The following CKAP2L variants were observed in gnomAD, a reference collection of about 807,000 sequenced individuals.
CKAP2L encodes the protein cytoskeleton associated protein 2L.
CKAP2L carries 42 observed loss-of-function variants against 65.7 expected under a neutral mutation model. That is an observed-to-expected ratio of 0.64 (90% CI 0.50 to 0.83). The LOEUF is 0.83. Among genes scored for constraint, CKAP2L ranks in the 40% least tolerant of loss-of-function variants. CKAP2L has a pLI of 0.00. For synonymous variants in CKAP2L, 325 were observed against 313.5 expected, an observed-to-expected ratio of 1.04 and a Z score of -0.39; for missense variants, 908 against 871.0, an observed-to-expected ratio of 1.04 and a Z score of -0.53.
rs1680756101 is a variant in CKAP2L at position 112,762,525 on chromosome 2, T to C, written c.82A>G (p.Lys28Glu). ...KLQEYLAAKG[K>E]LKSQNTKPYL... The stretch of plus-strand genomic sequence containing the variant: ...CACTTGGTGTTTTGGCTCTTCAGTT[T>C]TCCCTTGGCTGCAAGGTACTCCTGA... The change falls in exon 2 of 9, where the codon AAA becomes GAA. Residue 28 changes from lysine to glutamate, a missense_variant. Lys to Glu is a moderately conservative substitution (Grantham distance 56). Transcript: ENST00000302450. 6.2e-7 allele frequency: 1 copy of C among 1,614,000 alleles called. No homozygotes were observed. The highest frequency in any genetic ancestry group is 1.3e-5 in the African/African-American group (1 of 74,936).
intron 4 of CKAP2L, among the ~76,000 whole-genome samples, chr2:112,755,298 G>A (rs965165994): frequency 5.3e-5 from 8 of 152,030 alleles, no homozygotes; most frequent in African/African-American, 1.4e-4. Flanking sequence ...TGATTTCCAC[G>A]CCTGGCTAAT....
chr2:112,753,002 T>C (rs1323856090), intron 4 of CKAP2L, among the ~76,000 whole-genome samples: 1 of 152,206 alleles, frequency 6.6e-6, no homozygotes, highest in Admixed American at 6.5e-5. Flanking sequence ...CTTAAGTAGC[T>C]GATCTCTGAT....
chr2:112,742,069 C>T (rs1056886421), intron 7 of CKAP2L, among the ~76,000 whole-genome samples: 1 of 150,784 alleles, frequency 6.6e-6, no homozygotes, highest in Non-Finnish European at 1.5e-5. Flanking sequence ...GGATTACAGG[C>T]GTGAGCTACC....
rs367945388 is a variant in CKAP2L, at chr2:112,756,661, A to G, written c.710T>C (p.Leu237Pro). The change falls in exon 4 of 9, where the codon CTG (leucine) becomes CCG (proline). Residue 237 changes from leucine to proline, a missense_variant. Coordinates refer to ENST00000302450, the MANE Select transcript of CKAP2L (RefSeq NM_152515.5). ...LGKSSVNSAV[L>P]KDRVNKQFVG... ...AAATTGTTTATTAACCCTATCTTTC[A>G]GAACAGCACTATTAACTGAACTTTT... is the stretch of plus-strand genomic sequence containing the variant. 4.4e-6 allele frequency: 7 copies of G among 1,602,670 alleles called. No individual in the cohort carries two copies. In the African/African-American group the frequency reaches 9.4e-5, roughly 22 times the overall value.
Position 112,738,278 on chromosome 2 carries a change from A to G in CKAP2L, c.*545T>C, listed in dbSNP as rs1426564301. The stretch of plus-strand genomic sequence containing the variant: ...AAAACAAGAATTCTCTCTCATTTAC[A>G]AGGATACTGTGATGAAAGTCAAAGA... On this transcript the variant is annotated 3_prime_UTR_variant, in exon 9 of 9. Coordinates refer to ENST00000302450, the MANE Select transcript of CKAP2L (RefSeq NM_152515.5). 1.3e-5 allele frequency: 2 copies of G among 152,658 alleles called. No individual in the cohort carries two copies. Among genetic ancestry groups the G allele is most frequent in the African/African-American group, 4.8e-5 (2 of 41,466 alleles). The allele number at this position is 152,658 out of a possible 1,614,324, so 9.5% of individuals were successfully genotyped here.
rs539091916 is a variant in CKAP2L at position 112,760,054 on chromosome 2, T to C, written c.156+659A>G. On this transcript the variant is annotated intron_variant, in intron 3 of 8. Transcript: ENST00000302450. Reference sequence around the variant, plus strand: ...CATTTCAGAACACAGATAAAAACTATGTTTTAAAAAACTAAAGGTGAGATT... The same window carrying C: ...CATTTCAGAACACAGATAAAAACTACGTTTTAAAAAACTAAAGGTGAGATT... 4.6e-5 allele frequency among the ~76,000 whole-genome samples: 7 copies of C among 152,330 alleles called. No homozygotes were observed. The South Asian group carries it at 1.2e-3, about 27-fold the overall frequency.
chr2:112,757,222 A>T lies in CKAP2L; in HGVS notation c.157-8T>A. ...ATTTTTGGGTCTAATAGTCTGAAAA[A>T]ACAAAGAAAATACATATTAAAAAAT... On this transcript the variant is annotated splice_region_variant and splice_polypyrimidine_tract_variant and intron_variant, in intron 3 of 8. Transcript: ENST00000302450. The T allele has an allele frequency of 6.4e-7, 1 of 1,555,274 alleles. No individual in the cohort carries two copies.
intron 7 of CKAP2L, among the ~76,000 whole-genome samples, chr2:112,741,328 C>CT (rs1679947574): frequency 6.6e-6 from 1 of 152,130 alleles, no homozygotes; most frequent in Admixed American, 6.5e-5. Context: ...AGGGACTAAT[C>CT]ACTGGCCTTC....
Position 112,740,989 on chromosome 2 carries a change from A to G in CKAP2L, c.1841T>C (p.Leu614Ser), listed in dbSNP as rs3811040. The change falls in exon 8 of 9, where the codon TTA becomes TCA. Residue 614 changes from leucine to serine, a missense_variant. Leu to Ser is a moderately radical substitution (Grantham distance 145). Transcript: ENST00000302450. ...TGATGTTATACTAGTTTCAGCAACT[A>G]AAGAGTCAGAAGTAATCCCTGTGTA... ...RTTEGITSDS[L>S]VAETSITSVE... 793,186 of 1,609,252 alleles carry G rather than the reference A, an allele frequency of 0.49. 203,611 individuals carry two copies. The highest frequency in any genetic ancestry group is 0.72 in the East Asian group (32,250 of 44,836).
rs777307131 is a variant in CKAP2L at position 112,756,439 on chromosome 2, T to C, written c.932A>G (p.Glu311Gly). 1.1e-5 allele frequency: 18 copies of C among 1,613,860 alleles called. No homozygotes were observed. In the South Asian group the frequency reaches 2.0e-4, roughly 18 times the overall value. ...CCGTATCTTAGTTTCATTTGGTCTT[T>C]CATATTGACTCCTATTAACCTTTAT... ...KDIKVNRSQYERPNETKIRSY... is the reference protein window; with the variant it reads ...KDIKVNRSQYGRPNETKIRSY... Residue 311 changes from glutamate (E) to glycine (G), a missense_variant, in exon 4 of 9, where the codon GAA becomes GGA. By Grantham distance (98) the Glu-to-Gly change is moderately conservative (BLOSUM62 -2). Coordinates refer to ENST00000302450, the MANE Select transcript of CKAP2L (RefSeq NM_152515.5).
At position 112,762,388 on chromosome 2, in the gene CKAP2L, A is replaced by G. The variant is rs1312562819; in HGVS notation, c.104+115T>C. The G allele has an allele frequency of 5.3e-6, 4 of 759,166 alleles. No homozygotes were observed. In the East Asian group the frequency reaches 1.0e-4, roughly 19 times the overall value. 47.0% of individuals were successfully genotyped at this position (759,166 alleles called of 1,614,324 possible). A position where few individuals can be genotyped will look rare whatever the true frequency, so the allele number is the denominator to read the frequency against. On this transcript the variant is annotated intron_variant, in intron 2 of 8. Coordinates refer to ENST00000302450, the MANE Select transcript of CKAP2L (RefSeq NM_152515.5). Reference sequence around the variant, plus strand: ...AATGCTCTTTTTGCGTTATCATAGAATCCCAGTGCAGTCTGAGTAGACTCT... The same window carrying G: ...AATGCTCTTTTTGCGTTATCATAGAGTCCCAGTGCAGTCTGAGTAGACTCT...
Position 112,752,408 on chromosome 2 carries a change from T to C in CKAP2L, c.1461A>G (p.Lys487=). 3 of 1,612,992 alleles carry C rather than the reference T, an allele frequency of 1.9e-6. No homozygotes were observed. The highest frequency in any genetic ancestry group is 2.2e-5 in the East Asian group (1 of 44,834). The change falls in exon 5 of 9, where the codon AAA becomes AAG. Residue 487 remains lysine (K), a synonymous_variant. Coordinates refer to ENST00000302450, the MANE Select transcript of CKAP2L (RefSeq NM_152515.5). ...TTTCCTTTATTACTTTTCTTTTTGT[T>C]TTAAGTTCCATAGGAGGCCGTTTAT... The part of the protein sequence containing the change: ...KTYKRPPMEL[K]TKRKVIKEMN...
Position 112,746,413 on chromosome 2 carries a change from T to C in CKAP2L, c.1758+7A>G, listed in dbSNP as rs747325766. 9 of 1,605,166 alleles carry C rather than the reference T, an allele frequency of 5.6e-6. No individual in the cohort carries two copies. The highest frequency in any genetic ancestry group is 7.7e-6 in the Non-Finnish European group (9 of 1,173,774). ...TAAGAAGTTACCCACCCAAGACAGA[T>C]ACTCACTGTTGCCCCATTTTTAATG... On this transcript the variant is annotated splice_region_variant and intron_variant, in intron 6 of 8. Coordinates refer to ENST00000302450, the MANE Select transcript of CKAP2L (RefSeq NM_152515.5).
chr2:112,756,369 T>C lies in CKAP2L; in HGVS notation c.1002A>G (p.Arg334=). ...CACCCTGAAGCAAACTGGGGTATGT[T>C]CTGGGTTTGGTGTGCTTCACTCTCT... ...TEQRVKHTKP[R]TYPSLLQGEY... Residue 334 remains arginine (R), a synonymous_variant, in exon 4 of 9, where the codon AGA becomes AGG. Transcript: ENST00000302450. The C allele has an allele frequency of 6.2e-7, 1 of 1,613,872 alleles. No homozygotes were observed. Among genetic ancestry groups the C allele is most frequent in the Non-Finnish European group, 8.5e-7 (1 of 1,179,914 alleles).
At chr2:112,753,803 C>T (rs567655346) in intron 4 of CKAP2L, among the ~76,000 whole-genome samples, 2 of 152,298 alleles carry the variant, frequency 1.3e-5, no homozygotes, top group East Asian at 1.9e-4. Context: ...GCTGGGATTA[C>T]AGGCGTGAAC....
In CKAP2L at chr2:112,740,978, T is replaced by C. The variant is rs1385405696; in HGVS notation, c.1852A>G (p.Thr618Ala). The change falls in exon 8 of 9, where the codon ACT becomes GCT. Residue 618 changes from threonine (T) to alanine (A), a missense_variant. Coordinates refer to ENST00000302450, the MANE Select transcript of CKAP2L (RefSeq NM_152515.5). ...GITSDSLVAETSITSVEELAK... is the reference protein window; with the variant it reads ...GITSDSLVAEASITSVEELAK... ...AGCTCTTCCACTGATGTTATACTAG[T>C]TTCAGCAACTAAAGAGTCAGAAGTA... The C allele has an allele frequency of 1.9e-6, 3 of 1,613,534 alleles. No individual in the cohort carries two copies. In the South Asian group the frequency reaches 3.3e-5, roughly 18 times the overall value.
At chr2:112,741,475 A>T (rs1004455344) in intron 7 of CKAP2L, among the ~76,000 whole-genome samples, 1 of 152,234 alleles carries the variant, frequency 6.6e-6, no homozygotes, top group Non-Finnish European at 1.5e-5. Flanking sequence ...TTGCATTAAT[A>T]GTTTTCATGG....
chr2:112,759,137 A>G (rs189708885), intron 3 of CKAP2L, among the ~76,000 whole-genome samples: 3 of 152,350 alleles, frequency 2.0e-5, no homozygotes, highest in Middle Eastern at 3.4e-3. Context: ...CAGCAAAATT[A>G]ATAATAGTAA....
In CKAP2L at chr2:112,756,774, T is replaced by C; in HGVS notation, c.597A>G (p.Pro199=). 1.2e-6 allele frequency: 2 copies of C among 1,603,040 alleles called. No homozygotes were observed. The highest frequency in any genetic ancestry group is 1.7e-6 in the Non-Finnish European group (2 of 1,176,758). Reference sequence around the variant, plus strand: ...TACTTCTGGTATATAATTTAGGATCTGGCTTCCTCTCAGGTTCTGTTAAGA... The same window carrying C: ...TACTTCTGGTATATAATTTAGGATCCGGCTTCCTCTCAGGTTCTGTTAAGA... The part of the protein sequence containing the change: ...LDILTEPERK[P]DPKLYTRSKP... The change falls in exon 4 of 9, where the codon CCA becomes CCG. Residue 199 remains proline, a synonymous_variant. Coordinates refer to ENST00000302450, the MANE Select transcript of CKAP2L (RefSeq NM_152515.5).
Sources: gnomAD v4.1 joint callset for allele counts (sites outside exome capture counted in the v4.1 genomes callset) on GRCh38, gnomAD v4.1.1 for gene constraint, MANE v1.5 for transcripts, NCBI Gene and HGNC (gene_info 2026-07-23, HGNC 2026-07-21) for gene names.